The following UNG variants were observed in gnomAD, a reference collection of about 807,000 sequenced individuals.
UNG encodes uracil-DNA glycosylase.
A neutral mutation model predicts 36.5 loss-of-function variants in UNG; 34 were observed. That is an observed-to-expected ratio of 0.93 (90% CI 0.71 to 1.24). The LOEUF is 1.24. Among genes scored for constraint, UNG ranks in the 50% most tolerant of loss-of-function variants. The pLI, the probability that UNG is intolerant of heterozygous loss-of-function variation, is 0.00. For synonymous variants in UNG, 172 were observed against 157.8 expected, an observed-to-expected ratio of 1.09 and a Z score of -0.67; for missense variants, 391 against 397.6, an observed-to-expected ratio of 0.98 and a Z score of 0.14.
chr12:109,102,845 G>A lies in UNG; in HGVS notation c.540G>A (p.Glu180=). ...TCTTGTGGCTTGCTTTCAGTTTGGA[G>A]AACATTTATAAAGAGTTGTCTACAG... ...QRPVPPPPSL[E]NIYKELSTDI... The change falls in exon 5 of 7, where the codon GAG becomes GAA. Residue 180 remains glutamate (E), a synonymous_variant. Coordinates refer to ENST00000242576, the MANE Select transcript of UNG (RefSeq NM_080911.3). 1 of 1,611,246 alleles carries A rather than the reference G, an allele frequency of 6.2e-7. No homozygotes were observed. Among genetic ancestry groups the A allele is most frequent in the Non-Finnish European group, 8.5e-7 (1 of 1,178,250 alleles).
rs3219260 is a variant in UNG at position 109,107,821 on chromosome 12, G to A, written c.802-2008G>A. Among the ~76,000 whole-genome samples the A allele has an allele frequency of 9.3e-3, 1,411 of 152,108 alleles. 27 individuals are homozygous for A. The highest frequency in any genetic ancestry group is 0.031 in the African/African-American group (1,298 of 41,478). On this transcript the variant is annotated intron_variant, in intron 6 of 6. Coordinates refer to ENST00000242576, the MANE Select transcript of UNG (RefSeq NM_080911.3). Reference sequence around the variant, plus strand: ...ATTACAGGTGTGAGCCACCACGCCCGGCCAACTATTCCATTTTTGTGGCGA... The same window carrying A: ...ATTACAGGTGTGAGCCACCACGCCCAGCCAACTATTCCATTTTTGTGGCGA...
In UNG at chr12:109,110,468, T is replaced by C. The variant is rs2042252729; in HGVS notation, c.*499T>C. 5.7e-6 allele frequency: 1 copy of C among 176,432 alleles called. No homozygotes were observed. Among genetic ancestry groups the C allele is most frequent in the Admixed American group, 5.4e-5 (1 of 18,366 alleles). The allele number at this position is 176,432 out of a possible 1,614,324, so 10.9% of individuals were successfully genotyped here. On this transcript the variant is annotated 3_prime_UTR_variant, in exon 7 of 7. Coordinates refer to ENST00000242576, the MANE Select transcript of UNG (RefSeq NM_080911.3). ...ATCTTTGAAGGAGTCCTCAGGCCCC[T>C]CGCAGCATAAGGATGTTTTGCAACT...
rs372454436 is a variant in UNG, at chr12:109,103,452, T to G, written c.642T>G (p.Ala214=). ...GTATAGGTGTTCTCCTTCTCAACGC[T>G]GTCCTCACGGTTCGTGCCCATCAAG... is the stretch of plus-strand genomic sequence containing the variant. ...WAKQGVLLLN[A]VLTVRAHQAN... is the part of the protein sequence containing the mutation. Residue 214 remains alanine, a synonymous_variant, in exon 6 of 7, where the codon GCT becomes GCG. Coordinates refer to ENST00000242576, the MANE Select transcript of UNG (RefSeq NM_080911.3). 6.2e-7 allele frequency: 1 copy of G among 1,614,034 alleles called. No homozygotes were observed. Among genetic ancestry groups the G allele is most frequent in the African/African-American group, 1.3e-5 (1 of 74,914 alleles).
At chr12:109,104,055 G>GTTTTTTGTTTTTTTT (rs113097970) in intron 6 of UNG, among the ~76,000 whole-genome samples, 8 of 148,222 alleles carry the variant, frequency 5.4e-5, no homozygotes, top group East Asian at 2.0e-4. Context: ...TTGTTTCTGG[G>GTTTTTTGTTTTTTTT]TTTTTTGTTT....
At chr12:109,106,008 A>T (rs532224536) in intron 6 of UNG, among the ~76,000 whole-genome samples, 1 of 152,204 alleles carries the variant, frequency 6.6e-6, no homozygotes, top group South Asian at 2.1e-4. Context: ...ACGGTGCCCC[A>T]CTTCCCTGCC....
rs1394982705 is a variant in UNG, at chr12:109,109,828, G to C, written c.802-1G>C. 6.2e-7 allele frequency: 1 copy of C among 1,611,666 alleles called. No homozygotes were observed. Among genetic ancestry groups the C allele is most frequent in the African/African-American group, 1.3e-5 (1 of 74,174 alleles). Reference sequence around the variant, plus strand: ...CACCATTTATTCTTGATCTTTTTCAGAAGCGGCACCATGTACTACAGACGG... The same window carrying C: ...CACCATTTATTCTTGATCTTTTTCACAAGCGGCACCATGTACTACAGACGG... On this transcript the variant is annotated splice_acceptor_variant, in intron 6 of 6. Coordinates refer to ENST00000242576, the MANE Select transcript of UNG (RefSeq NM_080911.3). LOFTEE classifies it high-confidence loss of function.
intron 6 of UNG, among the ~76,000 whole-genome samples, chr12:109,106,007 C>CA (rs1174200452): frequency 6.6e-6 from 1 of 152,232 alleles, no homozygotes; most frequent in Non-Finnish European, 1.5e-5. Context: ...CACGGTGCCC[C>CA]ACTTCCCTGC....
rs906973817 is a variant in UNG, at chr12:109,098,238, C to T, written c.133-194C>T. 4.7e-6 allele frequency: 7 copies of T among 1,490,206 alleles called. No homozygotes were observed. The African/African-American group carries it at 7.0e-5, about 15-fold the overall frequency. The allele number at this position is 1,490,206 out of a possible 1,614,324, so 92.3% of individuals were successfully genotyped here. The stretch of plus-strand genomic sequence containing the variant: ...TAGGGCGCCTCCCAGCCCGTCTCCC[C>T]GCTCCAGTTTAGAACCTAATTCCCA... On this transcript the variant is annotated intron_variant, in intron 1 of 6. Transcript: ENST00000242576.
intron 6 of UNG, among the ~76,000 whole-genome samples, chr12:109,106,705 C>T (rs111922065): frequency 1.7e-3 from 248 of 149,886 alleles, no homozygotes; most frequent in African/African-American, 5.7e-3. Flanking sequence ...TTGAGACCAG[C>T]CTGGGCAACA....
In UNG at chr12:109,098,500, T is replaced by G. The variant is rs1387398431; in HGVS notation, c.201T>G (p.Ser67Arg). 1 of 1,612,674 alleles carries G rather than the reference T, an allele frequency of 6.2e-7. No homozygotes were observed. The highest frequency in any genetic ancestry group is 1.1e-5 in the South Asian group (1 of 91,044). ...EPGTPPSSPL[S>R]AEQLDRIQRN... is the part of the protein sequence containing the mutation. ...GGACGCCGCCCTCCTCGCCGCTGAG[T>G]GCCGAGCAGTTGGACCGGATCCAGA... The change falls in exon 2 of 7, where the codon AGT (serine) becomes AGG (arginine). Residue 67 changes from serine to arginine, a missense_variant. Ser to Arg is a moderately radical substitution (Grantham distance 110). Coordinates refer to ENST00000242576, the MANE Select transcript of UNG (RefSeq NM_080911.3).
chr12:109,102,867 A>G lies in UNG; in HGVS notation c.562A>G (p.Thr188Ala), dbSNP rs1322661972. ...GGAGAACATTTATAAAGAGTTGTCT[A>G]CAGACATAGAGGATTTTGTTCATCC... ...SLENIYKELS[T>A]DIEDFVHPGH... Residue 188 changes from threonine to alanine, a missense_variant, in exon 5 of 7, where the codon ACA becomes GCA. Physicochemically the swap from Thr to Ala is moderately conservative, Grantham distance 58. Transcript: ENST00000242576. 6.2e-7 allele frequency: 1 copy of G among 1,613,540 alleles called. No homozygotes were observed. The highest frequency in any genetic ancestry group is 8.5e-7 in the Non-Finnish European group (1 of 1,179,910).
chr12:109,100,654 A>G (rs980615539), intron 3 of UNG, among the ~76,000 whole-genome samples: 3 of 152,210 alleles, frequency 2.0e-5, no homozygotes, highest in African/African-American at 7.2e-5. Flanking sequence ...ATTTTGAGGG[A>G]ATGCTCAAAA....
At position 109,099,172 on chromosome 12, in the gene UNG, G is replaced by C; in HGVS notation, c.340-17G>C. 6.2e-7 allele frequency: 1 copy of C among 1,606,048 alleles called. No homozygotes were observed. ...CAATGAGAATCTGATTTTAAGTCTAGTTTATCTTTAAATCAGCTAATGGGA... is the reference window on the plus strand; with the variant it reads ...CAATGAGAATCTGATTTTAAGTCTACTTTATCTTTAAATCAGCTAATGGGA... On this transcript the variant is annotated splice_polypyrimidine_tract_variant and intron_variant, in intron 2 of 6. Coordinates refer to ENST00000242576, the MANE Select transcript of UNG (RefSeq NM_080911.3).
At chr12:109,099,406 G>A (rs76827532) in intron 3 of UNG, 122 bp downstream of exon 3, 7 of 861,564 alleles carry the variant, frequency 8.1e-6, no homozygotes, top group South Asian at 1.4e-5. Flanking sequence ...CTGAAATCCC[G>A]AGGTTTGGCT....
At chr12:109,098,674 G>A (rs1363568395) in intron 2 of UNG, 36 bp downstream of exon 2, 5 of 1,612,728 alleles carry the variant, frequency 3.1e-6, no homozygotes, top group Non-Finnish European at 4.2e-6. Flanking sequence ...AAGGGTAAAT[G>A]TGGAGGCTGC....
chr12:109,109,806 C>A, intron 6 of UNG, 23 bp from the exon 7 acceptor site: 15 of 1,612,408 alleles, frequency 9.3e-6, no homozygotes, highest in Non-Finnish European at 1.3e-5. Context: ...AATCTGCCAC[C>A]ATTTATTCTT....
At chr12:109,099,726 C>T (rs2042163018) in intron 3 of UNG, among the ~76,000 whole-genome samples, 5 of 152,198 alleles carry the variant, frequency 3.3e-5, no homozygotes, top group Admixed American at 3.3e-4. Flanking sequence ...GATCCCTTTG[C>T]TTTAGTTTGT....
At chr12:109,097,986 A>G in intron 1 of UNG, 175 bp downstream of exon 1, 2 of 1,262,906 alleles carry the variant, frequency 1.6e-6, no homozygotes, top group South Asian at 3.4e-5. Context: ...CCGCCATGCT[A>G]AAGGGCCAGC....
At chr12:109,102,438 ACTG>A (rs2042185396) in intron 4 of UNG, among the ~76,000 whole-genome samples, 2 of 151,914 alleles carry the variant, frequency 1.3e-5, no homozygotes, top group Admixed American at 1.3e-4. Flanking sequence ...AGATCCTGCT[ACTG>A]CACTCTAGCC....
Sources: gnomAD v4.1 joint callset for allele counts (sites outside exome capture counted in the v4.1 genomes callset) on GRCh38, gnomAD v4.1.1 for gene constraint, MANE v1.5 for transcripts, NCBI Gene and HGNC (gene_info 2026-07-23, HGNC 2026-07-21) for gene names.